The following CCDC102B variants were observed in gnomAD, a reference collection of about 807,000 sequenced individuals.
CCDC102B encodes the protein coiled-coil domain-containing protein 102B.
Under a neutral mutation model 57.4 loss-of-function variants are expected in CCDC102B, and 75 were observed. The observed-to-expected ratio is 1.31, with a 90% CI of 1.08 to 1.58. The LOEUF (loss-of-function observed/expected upper bound fraction) is 1.58. Among genes scored for constraint, CCDC102B ranks in the 40% most tolerant of loss-of-function variants. The probability of loss-of-function intolerance (pLI) is 0.00; values close to 1 mark genes in which losing one functional copy is unlikely to be tolerated. For missense variants in CCDC102B, 636 were observed against 582.6 expected (o/e 1.09, Z -0.94); for synonymous variants, 206 against 201.9 (o/e 1.02, Z -0.17).
At chr18:68,920,924 A>G (rs1400449119) in intron 6 of CCDC102B, among the ~76,000 whole-genome samples, 2 of 152,164 alleles carry the variant, frequency 1.3e-5, no homozygotes, top group Non-Finnish European at 2.9e-5. Context: ...AAACCATATC[A>G]GCAGGGCTGG....
At chr18:68,910,000 A>C (rs1005962130) in intron 6 of CCDC102B, among the ~76,000 whole-genome samples, 3 of 152,214 alleles carry the variant, frequency 2.0e-5, no homozygotes, top group Non-Finnish European at 4.4e-5. Flanking sequence ...GGTTTATAAA[A>C]GAGATAGAGA....
intron 7 of CCDC102B, among the ~76,000 whole-genome samples, chr18:69,024,787 A>C (rs1045925193): frequency 2.6e-5 from 4 of 152,052 alleles, no homozygotes; most frequent in Non-Finnish European, 4.4e-5. Context: ...TGTTCTCTAC[A>C]GTAGAAATGT....
chr18:68,924,211 G>C (rs775278820), intron 6 of CCDC102B, among the ~76,000 whole-genome samples: 17 of 150,262 alleles, frequency 1.1e-4, no homozygotes, highest in Non-Finnish European at 2.1e-4. Flanking sequence ...GTTAGGCTTT[G>C]TGTCCCCACC....
At chr18:68,952,707 A>G (rs1303054330) in intron 6 of CCDC102B, among the ~76,000 whole-genome samples, 2 of 152,194 alleles carry the variant, frequency 1.3e-5, no homozygotes, top group Non-Finnish European at 2.9e-5. Context: ...AAGGAGAGAC[A>G]GTATTATTAC....
intron 7 of CCDC102B, among the ~76,000 whole-genome samples, chr18:69,022,889 A>C (rs1317454668): frequency 6.6e-6 from 1 of 151,412 alleles, no homozygotes; most frequent in Non-Finnish European, 1.5e-5. Flanking sequence ...TCTTTGTTTC[A>C]CTGTTGTCTT....
At chr18:69,002,407 G>T (rs939226674) in intron 6 of CCDC102B, among the ~76,000 whole-genome samples, 5 of 152,094 alleles carry the variant, frequency 3.3e-5, no homozygotes, top group African/African-American at 1.2e-4. Flanking sequence ...GGCCATGCCC[G>T]ATTTCAACAC....
chr18:68,934,306 G>T (rs2041775450), intron 6 of CCDC102B, among the ~76,000 whole-genome samples: 1 of 151,838 alleles, frequency 6.6e-6, no homozygotes, highest in African/African-American at 2.4e-5. Flanking sequence ...TGAAGATTTA[G>T]CTCCTTTCAT....
At chr18:68,715,220 A>G (rs1019602791), upstream of CCDC102B, 22 of 1,357,740 alleles carry the variant, frequency 1.6e-5, no homozygotes, top group Non-Finnish European at 1.9e-5. Context: ...TGTCTTAAGA[A>G]TCCTTTGCGC....
At chr18:68,999,249 G>T (rs1359009189) in intron 6 of CCDC102B, among the ~76,000 whole-genome samples, 1 of 151,942 alleles carries the variant, frequency 6.6e-6, no homozygotes, top group Admixed American at 6.6e-5. Context: ...GGGAAAAAGA[G>T]ATCTGGTCTA....
intron 1 of CCDC102B, among the ~76,000 whole-genome samples, chr18:68,804,516 C>CAGAGGTGTGAA (rs2035964955): frequency 2.6e-5 from 4 of 152,090 alleles, no homozygotes; most frequent in Admixed American, 1.3e-4. Flanking sequence ...AGTGTTGGAG[C>CAGAGGTGTGAA]GCTTGCAGTC....
At chr18:68,998,924 A>G (rs959772868) in intron 6 of CCDC102B, among the ~76,000 whole-genome samples, 3 of 149,866 alleles carry the variant, frequency 2.0e-5, no homozygotes, top group Non-Finnish European at 3.0e-5. Flanking sequence ...GCATCCTTCA[A>G]TCCAATCAAG....
At chr18:69,006,836 A>G (rs2051363930) in intron 6 of CCDC102B, among the ~76,000 whole-genome samples, 1 of 152,216 alleles carries the variant, frequency 6.6e-6, no homozygotes. Flanking sequence ...ATAACTTGTC[A>G]AATCTTAAAG....
At position 68,837,171 on chromosome 18, in the gene CCDC102B, A is replaced by C. The variant is rs763851580; in HGVS notation, c.408A>C (p.Thr136=). The change falls in exon 2 of 8, where the codon ACA becomes ACC. Residue 136 remains threonine, a synonymous_variant. Coordinates refer to ENST00000360242, the MANE Select transcript of CCDC102B (RefSeq NM_024781.3). ...KLEMAMKELS[T]LKKKQSLPPQ... ...AGATGGCGATGAAAGAATTGAGTAC[A>C]CTGAAAAAGAAACAGAGTTTGCCAC... 1 of 1,614,138 alleles carries C rather than the reference A, an allele frequency of 6.2e-7. No individual in the cohort carries two copies. The highest frequency in any genetic ancestry group is 2.2e-5 in the East Asian group (1 of 44,878).
intron 6 of CCDC102B, among the ~76,000 whole-genome samples, chr18:69,008,451 T>C (rs1287561629): frequency 2.6e-5 from 4 of 152,166 alleles, no homozygotes; most frequent in African/African-American, 9.7e-5. Flanking sequence ...CAGCTGCCTG[T>C]TGGCATCATT....
At chr18:68,858,707 T>G (rs1198909853) in intron 4 of CCDC102B, among the ~76,000 whole-genome samples, 1 of 152,154 alleles carries the variant, frequency 6.6e-6, no homozygotes, top group Non-Finnish European at 1.5e-5. Context: ...CTATCTTTGC[T>G]AACTGGCACC....
intron 6 of CCDC102B, among the ~76,000 whole-genome samples, chr18:68,931,976 GTAT>G (rs148128689): frequency 0.26 from 39,048 of 151,638 alleles, 6,444 homozygotes; most frequent in East Asian, 0.61. Flanking sequence ...TACACAAACT[GTAT>G]TATTCTATAA....
intron 1 of CCDC102B, among the ~76,000 whole-genome samples, chr18:68,818,664 G>A (rs2036583715): frequency 6.6e-6 from 1 of 152,008 alleles, no homozygotes; most frequent in South Asian, 2.1e-4. Context: ...CTTTTACTTC[G>A]AATTTTGTTT....
chr18:69,002,987 C>G (rs1294050618), intron 6 of CCDC102B, among the ~76,000 whole-genome samples: 1 of 152,148 alleles, frequency 6.6e-6, no homozygotes, highest in Non-Finnish European at 1.5e-5. Flanking sequence ...TAAGTCAACT[C>G]CATGTCATCT....
intron 7 of CCDC102B, among the ~76,000 whole-genome samples, chr18:69,037,692 C>A (rs1055895754): frequency 6.6e-6 from 1 of 151,838 alleles, no homozygotes; most frequent in African/African-American, 2.4e-5. Flanking sequence ...CTGCCAATAA[C>A]AAATCAGCCT....
Sources: allele counts gnomAD v4.1 joint callset (sites outside exome capture counted in the v4.1 genomes callset), GRCh38; gene constraint gnomAD v4.1.1; transcripts MANE v1.5; gene names NCBI Gene and HGNC (gene_info 2026-07-23, HGNC 2026-07-21).